USP3: variants seen among roughly 807,000 people sequenced by gnomAD.
The protein encoded by USP3 is ubiquitin specific peptidase 3.
A neutral mutation model predicts 72.3 loss-of-function variants in USP3; 20 were observed. That is an observed-to-expected ratio of 0.28 (90% CI 0.19 to 0.40). USP3 has a LOEUF of 0.40. Among genes scored for constraint, USP3 ranks in the 10% least tolerant of loss-of-function variants. The pLI is 1.00. For missense variants in USP3, 479 were observed against 633.9 expected, an observed-to-expected ratio of 0.76 and a Z score of 2.62; for synonymous variants, 222 against 225.3, an observed-to-expected ratio of 0.99 and a Z score of 0.13.
intron 8 of USP3, among the ~76,000 whole-genome samples, chr15:63,565,097 A>G (rs180763761): frequency 6.6e-6 from 1 of 152,324 alleles, no homozygotes; most frequent in Non-Finnish European, 1.5e-5. Context: ...TGATTAACAC[A>G]TGACAGACAG....
chr15:63,547,827 AGAGAGAGAGGGAGGGAGG>A (rs1330329170), intron 3 of USP3, among the ~76,000 whole-genome samples: 3 of 113,786 alleles, frequency 2.6e-5, no homozygotes, highest in Admixed American at 8.3e-5. Context: ...AGAGAGAGAG[AGAGAGAGAGGGAGGGAGG>A]GAGAGAGAGA....
At chr15:63,547,857 A>T in intron 3 of USP3, among the ~76,000 whole-genome samples, 1 of 98,564 alleles carries the variant, frequency 1.0e-5, no homozygotes, top group African/African-American at 4.4e-5. Flanking sequence ...AGAGAGAGAG[A>T]GAGAGGCATA....
chr15:63,580,966 G>A (rs1016366929), intron 11 of USP3, among the ~76,000 whole-genome samples: 2 of 151,838 alleles, frequency 1.3e-5, no homozygotes, highest in Non-Finnish European at 2.9e-5. Context: ...GAGCCACCAT[G>A]CCCAGCTAAT....
chr15:63,589,625 G>A (rs1366667374), intron 14 of USP3, among the ~76,000 whole-genome samples: 1 of 152,166 alleles, frequency 6.6e-6, no homozygotes, highest in Non-Finnish European at 1.5e-5. Flanking sequence ...TCCTTGGAGT[G>A]TATTCCTGCT....
chr15:63,587,258 C>T (rs1030990947), intron 11 of USP3, among the ~76,000 whole-genome samples: 15 of 152,020 alleles, frequency 9.9e-5, no homozygotes, highest in African/African-American at 3.4e-4. Flanking sequence ...TAGGAGAGGC[C>T]GTGCACAGAG....
chr15:63,588,233 G>T lies in USP3; in HGVS notation c.1097-72G>T. On this transcript the variant is annotated intron_variant, in intron 11 of 14. Coordinates refer to ENST00000380324, the MANE Select transcript of USP3 (RefSeq NM_006537.4). The surrounding 1 kb of genome is among the most constrained non-coding windows in gnomAD (Gnocchi z 4.6). Reference sequence around the variant, plus strand: ...AATAAAGCTGAGATTTTAAACCTGGGTCTTTTTTCTACAGTACATTGCCTC... The same window carrying T: ...AATAAAGCTGAGATTTTAAACCTGGTTCTTTTTTCTACAGTACATTGCCTC... The T allele has an allele frequency of 1.7e-6, 2 of 1,172,440 alleles. No homozygotes were observed. The highest frequency in any genetic ancestry group is 2.4e-6 in the Non-Finnish European group (2 of 833,882). The allele number at this position is 1,172,440 out of a possible 1,614,324, so 72.6% of individuals were successfully genotyped here. A position where few individuals can be genotyped will look rare whatever the true frequency, so the allele number is the denominator to read the frequency against.
Position 63,574,702 on chromosome 15 carries a change from C to G in USP3, c.1096+299C>G, listed in dbSNP as rs969291760. Among the ~76,000 whole-genome samples the G allele has an allele frequency of 1.3e-5, 2 of 152,212 alleles. No homozygotes were observed. The highest frequency in any genetic ancestry group is 4.8e-5 in the African/African-American group (2 of 41,458). On this transcript the variant is annotated intron_variant, in intron 11 of 14. Coordinates refer to ENST00000380324, the MANE Select transcript of USP3 (RefSeq NM_006537.4). The surrounding 1 kb of genome is among the most constrained non-coding windows in gnomAD (Gnocchi z 4.6). Reference sequence around the variant, plus strand: ...CTGACCAAATGAAACAGAAGTTATTCTGTGGTTATCCCACTAGCATCTATA... The same window carrying G: ...CTGACCAAATGAAACAGAAGTTATTGTGTGGTTATCCCACTAGCATCTATA...
chr15:63,512,416 T>TTTCTTTTTCTTTCTTCTTTCTTCC, intron 1 of USP3, among the ~76,000 whole-genome samples: 2 of 150,036 alleles, frequency 1.3e-5, no homozygotes, highest in African/African-American at 2.4e-5. Context: ...TTCTTTCTTC[T>TTTCTTTTTCTTTCTTCTTTCTTCC]TTCTTTTTCT....
intron 1 of USP3, among the ~76,000 whole-genome samples, chr15:63,512,078 C>G (rs1334631272): frequency 6.6e-6 from 1 of 151,184 alleles, no homozygotes; most frequent in Non-Finnish European, 1.5e-5. Flanking sequence ...GCCTCAGCCT[C>G]CTGAGTGGCT....
Position 63,591,504 on chromosome 15 carries a change from A to C in USP3, c.*678A>C, listed in dbSNP as rs2067199137. ...GTTGGTTTTTTTGGTTTTGGGGCAT[A>C]CTTGTTTGCGGGGAGGTAAGATGGG... On this transcript the variant is annotated 3_prime_UTR_variant, in exon 15 of 15. Transcript: ENST00000380324. 1 of 152,162 alleles carries C rather than the reference A, an allele frequency of 6.6e-6. No individual in the cohort carries two copies. 9.4% of individuals were successfully genotyped at this position (152,162 alleles called of 1,614,324 possible). A position where few individuals can be genotyped will look rare whatever the true frequency, so the allele number is the denominator to read the frequency against.
At chr15:63,578,103 C>CCAT (rs1281953559) in intron 11 of USP3, among the ~76,000 whole-genome samples, 1 of 151,460 alleles carries the variant, frequency 6.6e-6, no homozygotes, top group East Asian at 2.0e-4. Context: ...TGGAGAAACC[C>CCAT]CATCTCTACT....
At chr15:63,507,644 G>A (rs979685518) in intron 1 of USP3, among the ~76,000 whole-genome samples, 1 of 152,152 alleles carries the variant, frequency 6.6e-6, no homozygotes, top group South Asian at 2.1e-4. Flanking sequence ...AAGATTACAA[G>A]AAGTAAGAAG....
At chr15:63,512,584 A>G (rs992470027) in intron 1 of USP3, among the ~76,000 whole-genome samples, 4 of 151,952 alleles carry the variant, frequency 2.6e-5, no homozygotes, top group Non-Finnish European at 4.4e-5. Context: ...AGTTGGAATT[A>G]CAGGCAGCCA....
At chr15:63,589,875 C>CCATAAAATATAAATTTATTTATATTTTAT (rs1701715328) in intron 14 of USP3, among the ~76,000 whole-genome samples, 1 of 148,372 alleles carries the variant, frequency 6.7e-6, no homozygotes, top group Non-Finnish European at 1.5e-5. Flanking sequence ...AAGATAAGCT[C>CCATAAAATATAAATTTATTTATATTTTAT]CTCCATAAAA....
rs1236018725 is a variant in USP3 at position 63,562,891 on chromosome 15, G to C, written c.648-4G>C. The C allele has an allele frequency of 6.3e-7, 1 of 1,597,390 alleles. No individual in the cohort carries two copies. The highest frequency in any genetic ancestry group is 8.5e-7 in the Non-Finnish European group (1 of 1,171,892). On this transcript the variant is annotated splice_polypyrimidine_tract_variant and splice_region_variant and intron_variant, in intron 7 of 14. Coordinates refer to ENST00000380324, the MANE Select transcript of USP3 (RefSeq NM_006537.4). ...TGAGGGCACTGTCCTTTCCTCTTTTGCAGGTCTTTGGTAGAAGAGTTTAGA... is the reference window on the plus strand; with the variant it reads ...TGAGGGCACTGTCCTTTCCTCTTTTCCAGGTCTTTGGTAGAAGAGTTTAGA...
rs758187941 is a variant in USP3 at position 63,559,838 on chromosome 15, T to C, written c.534-19T>C. Reference sequence around the variant, plus strand: ...TATTCTTTTCTTTTTAAAATATTTTTCCCTTCCTTTTAAAATAGTAACATT... The same window carrying C: ...TATTCTTTTCTTTTTAAAATATTTTCCCCTTCCTTTTAAAATAGTAACATT... On this transcript the variant is annotated intron_variant, in intron 6 of 14. Transcript: ENST00000380324. 9 of 1,592,438 alleles carry C rather than the reference T, an allele frequency of 5.7e-6. No homozygotes were observed. The highest frequency in any genetic ancestry group is 5.3e-5 in the Admixed American group (3 of 56,966).
intron 2 of USP3, among the ~76,000 whole-genome samples, chr15:63,535,398 A>G (rs2066140865): frequency 6.6e-6 from 1 of 152,266 alleles, no homozygotes; most frequent in African/African-American, 2.4e-5. Context: ...TTCATTTGTT[A>G]TGAACTATGG....
intron 14 of USP3, among the ~76,000 whole-genome samples, chr15:63,589,771 TTAAA>T (rs1240121531): frequency 1.3e-5 from 2 of 149,640 alleles, no homozygotes; most frequent in Non-Finnish European, 2.9e-5. Flanking sequence ...TCCACATGTC[TTAAA>T]TACTCTAATG....
intron 1 of USP3, among the ~76,000 whole-genome samples, chr15:63,521,271 A>G (rs2065917821): frequency 6.6e-6 from 1 of 151,900 alleles, no homozygotes; most frequent in South Asian, 2.1e-4. Context: ...AATTCAACCC[A>G]TCTCCTATAT....
Sources: allele counts gnomAD v4.1 joint callset (sites outside exome capture counted in the v4.1 genomes callset), GRCh38; gene constraint gnomAD v4.1.1; non-coding constraint Gnocchi (gnomAD v3.1); transcripts MANE v1.5; gene names NCBI Gene and HGNC (gene_info 2026-07-23, HGNC 2026-07-21).